The following NOL4 variants were observed in gnomAD, a reference collection of about 807,000 sequenced individuals.
NOL4 encodes the protein cancer/testis antigen 125.
In NOL4, 17 loss-of-function variants were observed where a neutral mutation model predicts 75.9. That is an observed-to-expected ratio of 0.22 (90% CI 0.15 to 0.34). The LOEUF is 0.34. Among genes scored for constraint, NOL4 ranks in the 10% least tolerant of loss-of-function variants. NOL4 has a pLI of 1.00. For synonymous variants in NOL4, 292 were observed against 289.9 expected, an observed-to-expected ratio of 1.01 and a Z score of -0.07; for missense variants, 614 against 793.5, an observed-to-expected ratio of 0.77 and a Z score of 2.72.
intron 10 of NOL4, among the ~76,000 whole-genome samples, chr18:33,865,943 A>G (rs1436690731): frequency 3.3e-5 from 5 of 152,304 alleles, no homozygotes; most frequent in South Asian, 4.1e-4. Context: ...TTGCTAAGAT[A>G]CATATTGTAC....
chr18:34,179,658 G>A (rs1382282390), intron 1 of NOL4, among the ~76,000 whole-genome samples: 1 of 151,528 alleles, frequency 6.6e-6, no homozygotes, highest in Non-Finnish European at 1.5e-5. Context: ...AAAACTAATT[G>A]CTATGGCCTA....
intron 1 of NOL4, among the ~76,000 whole-genome samples, chr18:34,191,091 G>A (rs765991634): frequency 5.3e-5 from 8 of 151,988 alleles, no homozygotes; most frequent in Non-Finnish European, 1.0e-4. Flanking sequence ...GTTTTACTGT[G>A]TTTTCTTAAA....
intron 1 of NOL4, among the ~76,000 whole-genome samples, chr18:34,162,758 T>A (rs1324822880): frequency 2.6e-5 from 4 of 152,292 alleles, no homozygotes; most frequent in African/African-American, 9.6e-5. Flanking sequence ...AGCATCATCC[T>A]GATACCAAAG....
chr18:34,126,221 A>C (rs2080383093), intron 2 of NOL4, among the ~76,000 whole-genome samples: 1 of 152,170 alleles, frequency 6.6e-6, no homozygotes, highest in Non-Finnish European at 1.5e-5. Flanking sequence ...TTTAGCACAC[A>C]ATGTATATCA....
intron 9 of NOL4, among the ~76,000 whole-genome samples, chr18:33,905,715 A>T (rs2065996237): frequency 6.6e-6 from 1 of 152,142 alleles, no homozygotes; most frequent in East Asian, 1.9e-4. Context: ...TATGCTGTAT[A>T]TCAGGAAGCA....
At position 33,911,053 on chromosome 18, in the gene NOL4, A is replaced by G. The variant is rs373774752; in HGVS notation, c.1543-27629T>C. 2.6e-5 allele frequency among the ~76,000 whole-genome samples: 4 copies of G among 152,038 alleles called. No homozygotes were observed. The East Asian group carries it at 7.7e-4, about 29-fold the overall frequency. ...GCAGGAATTTTATTCAGAATTTTAC[A>G]GGCTTTGCACCCATGATTTTTAGTG... On this transcript the variant is annotated intron_variant, in intron 9 of 10. Transcript: ENST00000261592.
At chr18:34,026,393 T>C (rs1222964853) in intron 5 of NOL4, among the ~76,000 whole-genome samples, 2 of 152,160 alleles carry the variant, frequency 1.3e-5, no homozygotes, top group African/African-American at 2.4e-5. Flanking sequence ...CTGATTCCCA[T>C]GTAGGAGCTC....
chr18:34,059,122 C>CATATAT (rs55773398), intron 5 of NOL4, among the ~76,000 whole-genome samples: 5,501 of 117,616 alleles, frequency 0.047, 164 homozygotes, highest in East Asian at 0.079. Flanking sequence ...GATAGATATA[C>CATATAT]ATATATATAT....
At chr18:33,955,096 G>T (rs1434446162) in intron 8 of NOL4, among the ~76,000 whole-genome samples, 1 of 152,060 alleles carries the variant, frequency 6.6e-6, no homozygotes, top group Non-Finnish European at 1.5e-5. Context: ...TGGTGACAAA[G>T]AGAAACACAT....
chr18:33,958,772 G>C (rs925452217), intron 6 of NOL4, among the ~76,000 whole-genome samples: 5 of 152,078 alleles, frequency 3.3e-5, no homozygotes, highest in Non-Finnish European at 7.4e-5. Context: ...GAATCATTGA[G>C]TCACATATTC....
At chr18:34,211,452 T>G (rs944409505) in intron 1 of NOL4, among the ~76,000 whole-genome samples, 1 of 152,196 alleles carries the variant, frequency 6.6e-6, no homozygotes, top group Non-Finnish European at 1.5e-5. Flanking sequence ...GGGTAGAGCA[T>G]GGCGCTAGTA....
At chr18:34,007,822 T>C (rs566846541) in intron 6 of NOL4, among the ~76,000 whole-genome samples, 1 of 152,118 alleles carries the variant, frequency 6.6e-6, no homozygotes, top group East Asian at 1.9e-4. Context: ...AATTATCTCC[T>C]TGTTATTTTT....
Position 34,093,596 on chromosome 18 carries a change from T to C in NOL4, c.641A>G (p.Asp214Gly). 6.3e-7 allele frequency: 1 copy of C among 1,577,162 alleles called. No individual in the cohort carries two copies. The change falls in exon 5 of 11, where the codon GAT becomes GGT. Residue 214 changes from aspartate to glycine, a missense_variant and splice_region_variant. Around this residue, in one of 9 missense-constraint regions of NOL4, gnomAD observed 135 missense variants for 220.4 expected, o/e 0.61. Coordinates refer to ENST00000261592, the MANE Select transcript of NOL4 (RefSeq NM_003787.5). ...TTCATCACTTTCTATTGAACTTTCA[T>C]CCTGAAAATAGTTTTAAAATATCAT... ...LQLLNSQQDE[D>G]ESSIESDEFD...
At chr18:34,164,729 T>C (rs1433163031) in intron 1 of NOL4, among the ~76,000 whole-genome samples, 1 of 152,002 alleles carries the variant, frequency 6.6e-6, no homozygotes, top group Non-Finnish European at 1.5e-5. Flanking sequence ...GACCCAGCCA[T>C]CCCATTACTG....
At chr18:34,169,297 G>A (rs778310861) in intron 1 of NOL4, among the ~76,000 whole-genome samples, 2 of 151,812 alleles carry the variant, frequency 1.3e-5, no homozygotes, top group Non-Finnish European at 2.9e-5. Flanking sequence ...GGAAATAGAA[G>A]TATTCTAAGC....
At chr18:34,104,999 C>T (rs1319882263) in intron 3 of NOL4, 50 bp downstream of exon 3, 1 of 1,101,962 alleles carries the variant, frequency 9.1e-7, no homozygotes. Flanking sequence ...ATACAAATGG[C>T]CATTATGAAT....
intron 1 of NOL4, among the ~76,000 whole-genome samples, chr18:34,173,662 A>G (rs955842462): frequency 2.6e-5 from 4 of 152,264 alleles, no homozygotes; most frequent in South Asian, 2.1e-4. Flanking sequence ...TTTTTAAAGT[A>G]TCTGTTTAAG....
chr18:34,046,804 C>T (rs1396747818), intron 5 of NOL4, among the ~76,000 whole-genome samples: 4 of 151,234 alleles, frequency 2.6e-5, no homozygotes, highest in Admixed American at 1.3e-4. Flanking sequence ...TCCTTGCTAT[C>T]CAAAATCTAT....
At chr18:34,151,469 T>C (rs2081633833) in intron 1 of NOL4, among the ~76,000 whole-genome samples, 1 of 151,774 alleles carries the variant, frequency 6.6e-6, no homozygotes, top group South Asian at 2.1e-4. Flanking sequence ...CTAAATACTA[T>C]ATGGTTCCAA....
Sources: gnomAD v4.1 joint callset for allele counts (sites outside exome capture counted in the v4.1 genomes callset) on GRCh38, gnomAD v4.1.1 for gene constraint, gnomAD v4.1.1 regional missense constraint, MANE v1.5 for transcripts, NCBI Gene and HGNC (gene_info 2026-07-23, HGNC 2026-07-21) for gene names.